Variants in PTPRN2 observed in about 807,000 individuals in gnomAD.
PTPRN2 encodes protein tyrosine phosphatase receptor type N2.
PTPRN2 carries 74 observed loss-of-function variants against 118.8 expected under a neutral mutation model. The observed-to-expected ratio is 0.62, with a 90% CI of 0.52 to 0.76. PTPRN2 has a LOEUF of 0.76. Among genes scored for constraint, PTPRN2 ranks in the 30% least tolerant of loss-of-function variants. The pLI is 0.00. For missense variants in PTPRN2, 1,481 were observed against 1,394.4 expected, an observed-to-expected ratio of 1.06 and a Z score of -0.99; for synonymous variants, 641 against 608.0, an observed-to-expected ratio of 1.05 and a Z score of -0.80.
rs549920739 is a variant in PTPRN2, at chr7:157,609,258, C to T, written c.2345-5183G>A. Among the ~76,000 whole-genome samples, 47 of 152,286 alleles carry T rather than the reference C, an allele frequency of 3.1e-4. No homozygotes were observed. The highest frequency in any genetic ancestry group is 1.1e-3 in the African/African-American group (45 of 41,560). ...ATTAGCCAGGCGTGGTGGTGGGCGG[C>T]TGTAATCCCAGCTACTTGGGAGGCT... On this transcript the variant is annotated intron_variant, in intron 15 of 22. Transcript: ENST00000389418. This position sits in a 1 kb window ranked among gnomAD's most constrained non-coding sequence, Gnocchi z 4.9.
At chr7:158,253,360 C>T (rs1222046703) in intron 3 of PTPRN2, among the ~76,000 whole-genome samples, 2 of 152,182 alleles carry the variant, frequency 1.3e-5, no homozygotes, top group East Asian at 1.9e-4. Flanking sequence ...AATACACTTT[C>T]GCGTGTTTCT....
chr7:157,564,287 G>C (rs1435246427), intron 21 of PTPRN2, among the ~76,000 whole-genome samples: 1 of 152,108 alleles, frequency 6.6e-6, no homozygotes, highest in Non-Finnish European at 1.5e-5. Context: ...CCTGGCTAAT[G>C]TTTGTATTTT....
chr7:158,482,456 C>T (rs775278182), intron 2 of PTPRN2, among the ~76,000 whole-genome samples: 17 of 152,318 alleles, frequency 1.1e-4, no homozygotes, highest in Admixed American at 7.8e-4. Context: ...ATTAACACTG[C>T]GGCAAGACCC....
intron 3 of PTPRN2, among the ~76,000 whole-genome samples, chr7:158,314,191 G>A (rs534201593): frequency 6.6e-6 from 1 of 152,280 alleles, no homozygotes; most frequent in East Asian, 1.9e-4. Flanking sequence ...TTACGCTCAG[G>A]GGAAGTTCTG....
chr7:158,452,438 C>T (rs539260768), intron 2 of PTPRN2, among the ~76,000 whole-genome samples: 1 of 152,310 alleles, frequency 6.6e-6, no homozygotes, highest in East Asian at 1.9e-4. Context: ...ATGGACCTGC[C>T]GGGTTCACCG....
chr7:157,927,967 G>A (rs577385290), intron 11 of PTPRN2, among the ~76,000 whole-genome samples: 1 of 152,226 alleles, frequency 6.6e-6, no homozygotes, highest in South Asian at 2.1e-4. Flanking sequence ...GGTCAGGAGA[G>A]CTGCCCGACG....
intron 13 of PTPRN2, chr7:157,669,422 C>CGT (rs1346189906): frequency 4.8e-5 from 20 of 413,782 alleles, no homozygotes; most frequent in African/African-American, 2.9e-4. Context: ...CGTGTTTGCA[C>CGT]GCGCACACAC....
chr7:158,122,421 GC>G (rs1465311188), intron 9 of PTPRN2, among the ~76,000 whole-genome samples: 1 of 152,210 alleles, frequency 6.6e-6, no homozygotes, highest in Admixed American at 6.5e-5. Flanking sequence ...TGTCCTCTCA[GC>G]CCCGGCACAG....
chr7:157,587,726 C>T lies in PTPRN2; in HGVS notation c.2496+7512G>A, dbSNP rs1563236937. On this transcript the variant is annotated intron_variant, in intron 17 of 22. Transcript: ENST00000389418. This position sits in a 1 kb window ranked among gnomAD's most constrained non-coding sequence, Gnocchi z 5.3. ...TCTCTGGGGGCCAGGAGAGCTGTTT[C>T]GTGTCTGACTCTGTCCTGAAAGGCA... 2.0e-5 allele frequency among the ~76,000 whole-genome samples: 3 copies of T among 152,218 alleles called. No homozygotes were observed. Among genetic ancestry groups the T allele is most frequent in the African/African-American group, 4.8e-5 (2 of 41,458 alleles).
chr7:157,816,936 C>G (rs1806442527), intron 12 of PTPRN2, among the ~76,000 whole-genome samples: 1 of 152,254 alleles, frequency 6.6e-6, no homozygotes, highest in African/African-American at 2.4e-5. Flanking sequence ...AGACCTCTCT[C>G]TAACAGGGGT....
At chr7:158,553,437 C>A (rs999038623) in intron 1 of PTPRN2, among the ~76,000 whole-genome samples, 1 of 151,030 alleles carries the variant, frequency 6.6e-6, no homozygotes, top group African/African-American at 2.4e-5. Context: ...TCTAGACCAC[C>A]CTCCTTGTCT....
chr7:157,984,058 C>G (rs1803524930), intron 11 of PTPRN2, among the ~76,000 whole-genome samples: 1 of 152,084 alleles, frequency 6.6e-6, no homozygotes, highest in Non-Finnish European at 1.5e-5. Flanking sequence ...ACTTGCACAG[C>G]CAAGCACCAA....
At position 158,285,822 on chromosome 7, in the gene PTPRN2, T is replaced by C. The variant is rs376658949; in HGVS notation, c.277+30997A>G. Among the ~76,000 whole-genome samples the C allele has an allele frequency of 1.2e-4, 18 of 152,310 alleles. 1 individual carries two copies. In the South Asian group the frequency reaches 3.7e-3, roughly 32 times the overall value. ...GAGACAGGTGACAACCCCATTCGCC[T>C]CTGAGCTAGGGAAGTAGAGATGCTC... On this transcript the variant is annotated intron_variant, in intron 3 of 22. Coordinates refer to ENST00000389418, the MANE Select transcript of PTPRN2 (RefSeq NM_002847.5).
rs1804994605 is a variant in PTPRN2, at chr7:157,798,188, G to A, written c.1788+100485C>T. 2.6e-5 allele frequency among the ~76,000 whole-genome samples: 4 copies of A among 152,370 alleles called. No individual in the cohort carries two copies. In the South Asian group the frequency reaches 8.3e-4, roughly 32 times the overall value. ...GCAGGAGAATCGTTTGAACCTGGGA[G>A]GCGGAGGTTGCAGTGAGCTGAGATC... On this transcript the variant is annotated intron_variant, in intron 12 of 22. Coordinates refer to ENST00000389418, the MANE Select transcript of PTPRN2 (RefSeq NM_002847.5).
intron 2 of PTPRN2, among the ~76,000 whole-genome samples, chr7:158,328,425 G>A (rs908361309): frequency 6.6e-6 from 1 of 152,190 alleles, no homozygotes; most frequent in Non-Finnish European, 1.5e-5. Flanking sequence ...CAAGGATTTC[G>A]TTACAGTTCA....
intron 12 of PTPRN2, among the ~76,000 whole-genome samples, chr7:157,822,102 A>T (rs1585556477): frequency 1.3e-5 from 2 of 151,772 alleles, no homozygotes; most frequent in African/African-American, 4.8e-5. Flanking sequence ...CCATACACTC[A>T]TCCATCCACT....
At chr7:157,795,012 C>T (rs913814604) in intron 12 of PTPRN2, among the ~76,000 whole-genome samples, 1 of 152,204 alleles carries the variant, frequency 6.6e-6, no homozygotes, top group Non-Finnish European at 1.5e-5. Context: ...CCCTGTGCGT[C>T]GCAGCCCCTC....
At chr7:158,323,559 T>C (rs1803211707) in intron 2 of PTPRN2, among the ~76,000 whole-genome samples, 2 of 152,196 alleles carry the variant, frequency 1.3e-5, no homozygotes, top group Non-Finnish European at 2.9e-5. Flanking sequence ...TAATCTAGAA[T>C]TGGGTGGTCA....
chr7:158,084,802 G>A (rs1473022620), intron 10 of PTPRN2, among the ~76,000 whole-genome samples: 7 of 93,454 alleles, frequency 7.5e-5, no homozygotes, highest in African/African-American at 2.1e-4. Flanking sequence ...CCATCCACAC[G>A]GATGCCCATA....
Sources: allele counts gnomAD v4.1 joint callset (sites outside exome capture counted in the v4.1 genomes callset), GRCh38; gene constraint gnomAD v4.1.1; non-coding constraint Gnocchi (gnomAD v3.1); transcripts MANE v1.5; gene names NCBI Gene and HGNC (gene_info 2026-07-23, HGNC 2026-07-21).